The following SCLT1 variants were observed in gnomAD, a reference collection of about 807,000 sequenced individuals.
SCLT1 encodes the protein sodium channel-associated protein 1.
Under a neutral mutation model 112.8 loss-of-function variants are expected in SCLT1, and 78 were observed. The ratio of observed to expected loss-of-function variants is 0.69; its 90% CI spans 0.58 to 0.83. SCLT1 has a LOEUF of 0.83. Ranked by LOEUF, SCLT1 falls within the 40% of genes least tolerant of loss-of-function variation. The probability of loss-of-function intolerance (pLI) is 0.00; values close to 1 mark genes in which losing one functional copy is unlikely to be tolerated. For missense variants in SCLT1, 747 were observed against 770.4 expected (o/e 0.97, Z 0.36); for synonymous variants, 257 against 254.7 (o/e 1.01, Z -0.09).
intron 18 of SCLT1, among the ~76,000 whole-genome samples, chr4:128,908,310 T>C (rs1324028505): frequency 1.3e-5 from 2 of 151,794 alleles, no homozygotes; most frequent in African/African-American, 4.8e-5. Flanking sequence ...TATAATATGC[T>C]TCAGTTACTT....
At chr4:129,063,760 T>G (rs933203044) in intron 2 of SCLT1, among the ~76,000 whole-genome samples, 2 of 152,148 alleles carry the variant, frequency 1.3e-5, no homozygotes, top group African/African-American at 4.8e-5. Flanking sequence ...CCCTCCCTGT[T>G]CTCCCTGCTC....
chr4:129,069,034 C>T (rs978793502), intron 2 of SCLT1, among the ~76,000 whole-genome samples: 1 of 152,126 alleles, frequency 6.6e-6, no homozygotes, highest in Non-Finnish European at 1.5e-5. Flanking sequence ...AAAGGGAGTC[C>T]TTTCCCCACT....
intron 9 of SCLT1, among the ~76,000 whole-genome samples, chr4:128,978,881 G>GA (rs1388956808): frequency 2.8e-4 from 43 of 152,136 alleles, no homozygotes; most frequent in African/African-American, 7.9e-4. Context: ...CAAGAAATGG[G>GA]GGTACAATAT....
intron 9 of SCLT1, among the ~76,000 whole-genome samples, chr4:128,974,793 T>C (rs543145198): frequency 6.6e-6 from 1 of 152,228 alleles, no homozygotes; most frequent in Admixed American, 6.5e-5. Flanking sequence ...TCTGCCTGTG[T>C]ATGTAATTTT....
At chr4:128,902,086 G>C (rs1327090780) in intron 18 of SCLT1, among the ~76,000 whole-genome samples, 1 of 151,868 alleles carries the variant, frequency 6.6e-6, no homozygotes, top group Non-Finnish European at 1.5e-5. Flanking sequence ...CTTGTGTTTT[G>C]TAGAGATGAT....
chr4:129,091,371 A>T (rs1347784765), intron 1 of SCLT1, among the ~76,000 whole-genome samples: 3 of 150,736 alleles, frequency 2.0e-5, no homozygotes, highest in African/African-American at 7.3e-5. Flanking sequence ...ATTAAATACC[A>T]CTCATTTTTA....
intron 5 of SCLT1, among the ~76,000 whole-genome samples, chr4:129,014,229 A>G (rs1479617889): frequency 2.0e-5 from 3 of 152,032 alleles, no homozygotes; most frequent in African/African-American, 7.3e-5. Context: ...CATCGTTCTT[A>G]GCTTCCTTGG....
intron 9 of SCLT1, among the ~76,000 whole-genome samples, chr4:128,985,426 T>G (rs1742005728): frequency 6.6e-6 from 1 of 152,242 alleles, no homozygotes; most frequent in African/African-American, 2.4e-5. Flanking sequence ...TTACATTGAT[T>G]GCTGAGTGTG....
At chr4:129,070,367 C>T (rs1288339766) in intron 2 of SCLT1, among the ~76,000 whole-genome samples, 1 of 151,842 alleles carries the variant, frequency 6.6e-6, no homozygotes, top group Non-Finnish European at 1.5e-5. Flanking sequence ...TAGAATTCTG[C>T]TGTGAATCCA....
At chr4:129,055,818 TA>T (rs56689003) in intron 2 of SCLT1, among the ~76,000 whole-genome samples, 2,787 of 132,406 alleles carry the variant, frequency 0.021, 58 homozygotes, top group African/African-American at 0.056. Context: ...GCCACTGGCA[TA>T]AAAAAAAAAA....
At chr4:128,976,959 G>A (rs1741227792) in intron 9 of SCLT1, among the ~76,000 whole-genome samples, 1 of 152,100 alleles carries the variant, frequency 6.6e-6, no homozygotes, top group Non-Finnish European at 1.5e-5. Flanking sequence ...AAAGGCAAAT[G>A]GGAAACTGTA....
chr4:129,083,699 T>C (rs1028083593), intron 1 of SCLT1, among the ~76,000 whole-genome samples: 1 of 152,052 alleles, frequency 6.6e-6, no homozygotes, highest in African/African-American at 2.4e-5. Flanking sequence ...CAGGAGGAAT[T>C]ACAAAATAAA....
chr4:129,028,967 C>A (rs1301455853), intron 5 of SCLT1, among the ~76,000 whole-genome samples: 1 of 152,140 alleles, frequency 6.6e-6, no homozygotes, highest in African/African-American at 2.4e-5. Flanking sequence ...CAAATCAAAA[C>A]CACAGTGAGA....
chr4:128,898,889 T>C (rs1734023799), intron 18 of SCLT1, among the ~76,000 whole-genome samples: 1 of 152,118 alleles, frequency 6.6e-6, no homozygotes, highest in Non-Finnish European at 1.5e-5. Flanking sequence ...GAGAATACTA[T>C]AAACACCTCT....
chr4:128,950,859 T>C (rs1309281450), intron 14 of SCLT1, among the ~76,000 whole-genome samples: 1 of 152,216 alleles, frequency 6.6e-6, no homozygotes, highest in East Asian at 1.9e-4. Context: ...ATCTGCTACA[T>C]GGCAGAATAA....
intron 11 of SCLT1, among the ~76,000 whole-genome samples, chr4:128,960,622 A>G (rs988937225): frequency 1.6e-4 from 24 of 152,062 alleles, no homozygotes; most frequent in Non-Finnish European, 2.6e-4. Context: ...TCTTCCCTTT[A>G]TAAGAACTCT....
intron 18 of SCLT1, among the ~76,000 whole-genome samples, chr4:128,921,620 C>T (rs1579382128): frequency 6.6e-6 from 1 of 151,806 alleles, no homozygotes; most frequent in African/African-American, 2.4e-5. Context: ...GAAGGTGGAC[C>T]CCTAATATCA....
At chr4:128,967,088 T>C (rs758507114) in intron 10 of SCLT1, among the ~76,000 whole-genome samples, 1 of 152,164 alleles carries the variant, frequency 6.6e-6, no homozygotes, top group Non-Finnish European at 1.5e-5. Context: ...AGCTCCCACT[T>C]GTAAGTGAGG....
intron 5 of SCLT1, among the ~76,000 whole-genome samples, chr4:129,012,209 C>T (rs1444657004): frequency 1.3e-5 from 2 of 152,064 alleles, no homozygotes; most frequent in African/African-American, 4.8e-5. Context: ...TAGCTGTGTC[C>T]CAGAGATTCT....
Sources: gnomAD v4.1 joint callset for allele counts (sites outside exome capture counted in the v4.1 genomes callset) on GRCh38, gnomAD v4.1.1 for gene constraint, MANE v1.5 for transcripts, NCBI Gene and HGNC (gene_info 2026-07-23, HGNC 2026-07-21) for gene names.